Variants in NCBP3 observed in about 807,000 individuals in gnomAD.
NCBP3 encodes nuclear cap binding subunit 3, also known as nuclear cap-binding protein subunit 3.
NCBP3 carries 20 observed loss-of-function variants against 75.7 expected under a neutral mutation model. The ratio of observed to expected loss-of-function variants is 0.26; its 90% CI spans 0.19 to 0.38. The LOEUF (loss-of-function observed/expected upper bound fraction) is 0.38. NCBP3 is among the 10% of genes least tolerant of loss of function. The probability of loss-of-function intolerance (pLI) is 1.00; values close to 1 mark genes in which losing one functional copy is unlikely to be tolerated. For synonymous variants in NCBP3, 293 were observed against 290.5 expected (o/e 1.01, Z -0.09); for missense variants, 678 against 796.9 (o/e 0.85, Z 1.80).
At chr17:3,817,151 A>C (rs2053550279) in intron 10 of NCBP3, among the ~76,000 whole-genome samples, 2 of 152,320 alleles carry the variant, frequency 1.3e-5, no homozygotes, top group African/African-American at 2.4e-5. Flanking sequence ...TAACCCTTAG[A>C]ACTGTGGATT....
chr17:3,807,544 A>G lies in NCBP3; in HGVS notation c.*5500T>C, dbSNP rs905011701. 4 of 152,208 alleles carry G rather than the reference A, an allele frequency of 2.6e-5. No individual in the cohort carries two copies. The highest frequency in any genetic ancestry group is 5.9e-5 in the Non-Finnish European group (4 of 68,046). The allele number at this position is 152,208 out of a possible 1,614,324, so 9.4% of individuals were successfully genotyped here. On this transcript the variant is annotated 3_prime_UTR_variant, in exon 13 of 13. Transcript: ENST00000389005. ...GTTACCATAATTCATTCATTTACCA[A>G]ACACTTTCGAAGCACTACTTACTCT...
chr17:3,838,296 C>T (rs1430183970), intron 3 of NCBP3, among the ~76,000 whole-genome samples: 1 of 152,216 alleles, frequency 6.6e-6, no homozygotes, highest in Non-Finnish European at 1.5e-5. Flanking sequence ...AGAGGCAAGC[C>T]GCCTCAAGGA....
rs1303907533 is a variant in NCBP3, at chr17:3,804,488, G to A, written c.*8556C>T. ...TTGAACCTGGGAGGCGGAGGGTGCA[G>A]TGAGCCGAGACTGCGCCATTGCACT... On this transcript the variant is annotated 3_prime_UTR_variant, in exon 13 of 13. Transcript: ENST00000389005. The A allele has an allele frequency of 6.6e-6, 1 of 152,260 alleles. No individual in the cohort carries two copies. The highest frequency in any genetic ancestry group is 2.4e-5 in the African/African-American group (1 of 41,428). 9.4% of individuals were successfully genotyped at this position (152,260 alleles called of 1,614,324 possible). A position where few individuals can be genotyped will look rare whatever the true frequency, so the allele number is the denominator to read the frequency against.
At chr17:3,826,953 T>C (rs2053798996) in intron 4 of NCBP3, among the ~76,000 whole-genome samples, 1 of 133,440 alleles carries the variant, frequency 7.5e-6, no homozygotes, top group Non-Finnish European at 1.6e-5. Flanking sequence ...GAGCTTGCAG[T>C]GAGCCGAGAT....
Position 3,818,554 on chromosome 17 carries a change from T to C in NCBP3, c.1019A>G (p.Glu340Gly), listed in dbSNP as rs1398221051. 1.9e-6 allele frequency: 3 copies of C among 1,606,482 alleles called. No homozygotes were observed. In the African/African-American group the frequency reaches 4.0e-5, roughly 21 times the overall value. Reference protein sequence around the residue: ...HRHSGLVNVPEEPIEEEEEEE... With the variant: ...HRHSGLVNVPGEPIEEEEEEE... ...CTCTTCCTCCTCTTCAATGGGTTCC[T>C]CGGGAACATTCACTAGCCCTGAAGA... is the stretch of plus-strand genomic sequence containing the variant. Residue 340 changes from glutamate to glycine, a missense_variant, in exon 10 of 13, where the codon GAG becomes GGG. By Grantham distance (98) the Glu-to-Gly change is moderately conservative. Coordinates refer to ENST00000389005, the MANE Select transcript of NCBP3 (RefSeq NM_001114118.3). This position sits in a 1 kb window ranked among gnomAD's most constrained non-coding sequence, Gnocchi z 4.7.
intron 3 of NCBP3, 36 bp from the exon 4 acceptor site, chr17:3,829,404 T>C: frequency 2.6e-6 from 4 of 1,547,976 alleles, no homozygotes; most frequent in African/African-American, 1.4e-5. Flanking sequence ...TGATAGAATT[T>C]TCCTGTCCGC....
At chr17:3,844,268 C>T (rs980735104) in intron 1 of NCBP3, among the ~76,000 whole-genome samples, 2 of 152,188 alleles carry the variant, frequency 1.3e-5, no homozygotes, top group South Asian at 4.1e-4. Flanking sequence ...TTACAGGACA[C>T]TGTATAGTTT....
At chr17:3,835,676 C>T (rs1369272633) in intron 3 of NCBP3, among the ~76,000 whole-genome samples, 5 of 152,256 alleles carry the variant, frequency 3.3e-5, no homozygotes, top group African/African-American at 1.2e-4. Context: ...CAGGCAGCCG[C>T]CAAAAGACCA....
intron 4 of NCBP3, among the ~76,000 whole-genome samples, chr17:3,828,543 G>A (rs2053825826): frequency 6.6e-6 from 1 of 152,134 alleles, no homozygotes; most frequent in Non-Finnish European, 1.5e-5. Context: ...CAGCAGGTCA[G>A]CCAGCTGGCA....
At chr17:3,816,567 C>A (rs998550512) in intron 10 of NCBP3, among the ~76,000 whole-genome samples, 2 of 152,194 alleles carry the variant, frequency 1.3e-5, no homozygotes, top group African/African-American at 4.8e-5. Flanking sequence ...TAAGTAGAGG[C>A]CTACAAAGAG....
chr17:3,829,890 T>G (rs948724036), intron 3 of NCBP3, among the ~76,000 whole-genome samples: 8 of 152,028 alleles, frequency 5.3e-5, no homozygotes, highest in Admixed American at 5.2e-4. Flanking sequence ...GCAATTTACA[T>G]AAAAGGAAAT....
intron 2 of NCBP3, 131 bp from the exon 3 acceptor site, chr17:3,840,336 G>C (rs1567595903): frequency 1.4e-6 from 1 of 692,650 alleles, no homozygotes; most frequent in East Asian, 2.7e-5. Context: ...CCTTGAATCA[G>C]TCTGGCAGAG....
At chr17:3,831,409 A>T (rs2143688340) in intron 3 of NCBP3, among the ~76,000 whole-genome samples, 1 of 151,676 alleles carries the variant, frequency 6.6e-6, no homozygotes, top group South Asian at 2.1e-4. Context: ...CATCTCTACT[A>T]AAAATACAAG....
intron 2 of NCBP3, 40 bp from the exon 3 acceptor site, chr17:3,840,245 G>A: frequency 2.0e-6 from 3 of 1,509,280 alleles, no homozygotes; most frequent in Non-Finnish European, 2.7e-6. Flanking sequence ...AAAATATGGA[G>A]AAGGCGAGTT....
rs1202212227 is a variant in NCBP3 at position 3,809,266 on chromosome 17, G to C, written c.*3778C>G. 2.0e-5 allele frequency: 3 copies of C among 152,146 alleles called. No individual in the cohort carries two copies. 9.4% of individuals were successfully genotyped at this position (152,146 alleles called of 1,614,324 possible). On this transcript the variant is annotated 3_prime_UTR_variant, in exon 13 of 13. Coordinates refer to ENST00000389005, the MANE Select transcript of NCBP3 (RefSeq NM_001114118.3). The stretch of plus-strand genomic sequence containing the variant: ...GGAATGGAAAATGATACAGCTGCTT[G>C]GAAAAACCACCTGGTGGTTCCTGAA...
intron 11 of NCBP3, 83 bp from the exon 12 acceptor site, chr17:3,814,566 G>T: frequency 6.9e-7 from 1 of 1,449,836 alleles, no homozygotes; most frequent in South Asian, 1.3e-5. Context: ...TAACGGATCT[G>T]GCGCTAACCC....
chr17:3,816,337 A>C (rs949953292), intron 10 of NCBP3, 67 bp from the exon 11 acceptor site: 1 of 1,388,668 alleles, frequency 7.2e-7, no homozygotes, highest in African/African-American at 1.5e-5. Flanking sequence ...CCCAAACAAC[A>C]ATCTCATACT....
chr17:3,832,534 G>A lies in NCBP3; in HGVS notation c.356-3166C>T, dbSNP rs2053901607. On this transcript the variant is annotated intron_variant, in intron 3 of 12. Coordinates refer to ENST00000389005, the MANE Select transcript of NCBP3 (RefSeq NM_001114118.3). ...TAGTCCCAGCTACTCGGGAGGCTGA[G>A]GCAGGAGAATCACTTGAACCCGGGA... Among the ~76,000 whole-genome samples the A allele has an allele frequency of 3.0e-5, 4 of 135,094 alleles. 2 individuals are homozygous for A. The highest frequency in any genetic ancestry group is 4.9e-5 in the African/African-American group (2 of 40,546). 88.6% of individuals were successfully genotyped at this position (135,094 alleles called of 152,430 possible).
intron 2 of NCBP3, among the ~76,000 whole-genome samples, chr17:3,841,892 T>G (rs1426819922): frequency 6.6e-6 from 1 of 152,052 alleles, no homozygotes; most frequent in Non-Finnish European, 1.5e-5. Flanking sequence ...ATTTTTGCTT[T>G]TATGTATTCA....
Sources: gnomAD v4.1 joint callset for allele counts (sites outside exome capture counted in the v4.1 genomes callset) on GRCh38, gnomAD v4.1.1 for gene constraint, Gnocchi (gnomAD v3.1) non-coding constraint, MANE v1.5 for transcripts, NCBI Gene and HGNC (gene_info 2026-07-23, HGNC 2026-07-21) for gene names.